The following CTNNA2 variants were observed in gnomAD, a reference collection of about 807,000 sequenced individuals.
The protein encoded by CTNNA2 is catenin alpha-2.
CTNNA2 carries 42 observed loss-of-function variants against 101.0 expected under a neutral mutation model. The ratio of observed to expected loss-of-function variants is 0.42; its 90% confidence interval spans 0.32 to 0.54. The LOEUF (loss-of-function observed/expected upper bound fraction) is 0.54. CTNNA2 is among the 20% of genes least tolerant of loss of function. CTNNA2 has a pLI of 0.14. For missense variants in CTNNA2, 871 were observed against 1,223.1 expected, an observed-to-expected ratio of 0.71 and a Z score of 4.29; for synonymous variants, 450 against 456.4, an observed-to-expected ratio of 0.99 and a Z score of 0.18.
chr2:79,720,019 G>A (rs1003776829), intron 2 of CTNNA2, among the ~76,000 whole-genome samples: 1 of 152,098 alleles, frequency 6.6e-6, no homozygotes, highest in African/African-American at 2.4e-5. Flanking sequence ...AATTTTTATA[G>A]TTTGTGATCT....
chr2:80,226,601 G>T (rs1350584588), intron 7 of CTNNA2, among the ~76,000 whole-genome samples: 2 of 152,164 alleles, frequency 1.3e-5, no homozygotes, highest in African/African-American at 4.8e-5. Context: ...CTTATATGCT[G>T]TACACAGACA....
chr2:79,471,687 A>C (rs1250254346), intron 4 of CTNNA2, among the ~76,000 whole-genome samples: 1 of 151,900 alleles, frequency 6.6e-6, no homozygotes, highest in African/African-American at 2.4e-5. Context: ...AAATACAAAA[A>C]ATTAGCTGGG....
chr2:79,672,713 T>C (rs922431609), intron 2 of CTNNA2, among the ~76,000 whole-genome samples: 5 of 148,342 alleles, frequency 3.4e-5, no homozygotes, highest in African/African-American at 1.3e-4. Flanking sequence ...TTTTTCTTTT[T>C]TTTTTTTTTT....
At chr2:79,470,887 C>T (rs528484291) in intron 4 of CTNNA2, among the ~76,000 whole-genome samples, 79 of 152,190 alleles carry the variant, frequency 5.2e-4, no homozygotes, top group African/African-American at 1.8e-3. Context: ...TGTGTTTTTG[C>T]ATGTTTGATA....
intron 3 of CTNNA2, among the ~76,000 whole-genome samples, chr2:79,758,167 T>G (rs1672523545): frequency 6.6e-6 from 1 of 152,212 alleles, no homozygotes; most frequent in African/African-American, 2.4e-5. Flanking sequence ...ATACTCTACG[T>G]TAACACATAA....
At chr2:80,171,693 C>T (rs1018537403) in intron 7 of CTNNA2, among the ~76,000 whole-genome samples, 4 of 152,160 alleles carry the variant, frequency 2.6e-5, no homozygotes, top group African/African-American at 4.8e-5. Flanking sequence ...CCAGGGAAAG[C>T]TCTGCCTTAA....
intron 2 of CTNNA2, among the ~76,000 whole-genome samples, chr2:79,261,812 C>T (rs1296170541): frequency 6.6e-6 from 1 of 152,198 alleles, no homozygotes; most frequent in Non-Finnish European, 1.5e-5. Flanking sequence ...ACAATTCAGT[C>T]TATAACAATT....
In CTNNA2 at chr2:79,954,944, G is replaced by GAA. The variant is rs1054415572; in HGVS notation, c.1056+45149_1056+45150dup. 8.0e-4 allele frequency among the ~76,000 whole-genome samples: 122 copies of GAA among 152,258 alleles called. 1 individual carries two copies. The highest frequency in any genetic ancestry group is 2.8e-3 in the African/African-American group (115 of 41,548). On this transcript the variant is annotated intron_variant, in intron 7 of 18. Coordinates refer to ENST00000402739, the MANE Select transcript of CTNNA2 (RefSeq NM_001282597.3). The stretch of plus-strand genomic sequence containing the variant: ...GGAGCAGTACATACCAACTTCAGAA[G>GAA]AAATACCCTTCTCTTTGAACAAAAT...
intron 7 of CTNNA2, among the ~76,000 whole-genome samples, chr2:80,279,862 T>TA (rs1413427539): frequency 1.3e-5 from 2 of 152,026 alleles, no homozygotes; most frequent in African/African-American, 2.4e-5. Flanking sequence ...CAGGCTTTTT[T>TA]AAAAAAATTT....
At chr2:79,781,491 T>C (rs1384368613) in intron 3 of CTNNA2, among the ~76,000 whole-genome samples, 3 of 152,196 alleles carry the variant, frequency 2.0e-5, no homozygotes, top group African/African-American at 7.2e-5. Flanking sequence ...CTCGTTCAAA[T>C]GCCTATGACA....
intron 14 of CTNNA2, among the ~76,000 whole-genome samples, 193 bp from the exon 15 acceptor site, chr2:80,589,111 C>T (rs1438900052): frequency 6.6e-6 from 1 of 151,974 alleles, no homozygotes; most frequent in East Asian, 1.9e-4. Flanking sequence ...GGGAGTGGGA[C>T]GGGGACTTTG....
chr2:79,404,682 G>T (rs985151420), intron 4 of CTNNA2, among the ~76,000 whole-genome samples: 1 of 152,068 alleles, frequency 6.6e-6, no homozygotes, highest in African/African-American at 2.4e-5. Context: ...AGGCTGAGCA[G>T]CTGTGGAACA....
chr2:79,634,434 A>G (rs892316838), intron 1 of CTNNA2: 1 of 152,172 alleles, frequency 6.6e-6, no homozygotes, highest in African/African-American at 2.4e-5. Flanking sequence ...CTTGTTTTGC[A>G]TCTCCCTCAT....
intron 7 of CTNNA2, among the ~76,000 whole-genome samples, chr2:80,336,112 A>G (rs1351817161): frequency 6.6e-6 from 1 of 152,192 alleles, no homozygotes; most frequent in African/African-American, 2.4e-5. Context: ...AGACTGGCTG[A>G]CTTAAAAGCA....
At chr2:79,335,112 G>A (rs185805878) in intron 3 of CTNNA2, among the ~76,000 whole-genome samples, 1 of 152,278 alleles carries the variant, frequency 6.6e-6, no homozygotes, top group East Asian at 1.9e-4. Context: ...TAGGGAGCCA[G>A]AATGACACAG....
intron 7 of CTNNA2, among the ~76,000 whole-genome samples, chr2:80,300,605 G>C (rs1676196016): frequency 6.6e-6 from 1 of 151,790 alleles, no homozygotes; most frequent in African/African-American, 2.4e-5. Context: ...CCCTCTTCCT[G>C]CTATTTGGAC....
At chr2:80,148,710 G>A (rs1703504121) in intron 7 of CTNNA2, among the ~76,000 whole-genome samples, 4 of 152,152 alleles carry the variant, frequency 2.6e-5, no homozygotes. Flanking sequence ...CATATAGAGT[G>A]TAGTTTTCCT....
At chr2:79,896,506 A>C (rs934618037) in intron 6 of CTNNA2, among the ~76,000 whole-genome samples, 4 of 152,198 alleles carry the variant, frequency 2.6e-5, no homozygotes, top group African/African-American at 9.7e-5. Flanking sequence ...AGGTTGGGAA[A>C]AGGATATTCT....
At chr2:79,325,573 T>C (rs1350463952) in intron 3 of CTNNA2, among the ~76,000 whole-genome samples, 5 of 152,152 alleles carry the variant, frequency 3.3e-5, no homozygotes, top group Non-Finnish European at 7.3e-5. Context: ...AAAAATGTAT[T>C]GAATGCAGTG....
Sources: gnomAD v4.1 joint callset for allele counts (sites outside exome capture counted in the v4.1 genomes callset) on GRCh38, gnomAD v4.1.1 for gene constraint, MANE v1.5 for transcripts, NCBI Gene and HGNC (gene_info 2026-07-23, HGNC 2026-07-21) for gene names.